Variants in POMGNT1 observed in about 807,000 individuals in gnomAD.
POMGNT1 encodes protein O-linked-mannose beta-1,2-N-acetylglucosaminyltransferase 1.
Under a neutral mutation model 95.6 loss-of-function variants are expected in POMGNT1, and 67 were observed. That is an observed-to-expected ratio of 0.70 (90% CI 0.58 to 0.86). The LOEUF (loss-of-function observed/expected upper bound fraction) is 0.86. Ranked by LOEUF, POMGNT1 falls within the 40% of genes least tolerant of loss-of-function variation. The pLI, the probability that POMGNT1 is intolerant of heterozygous loss-of-function variation, is 0.00. For missense variants in POMGNT1, 719 were observed against 855.2 expected (o/e 0.84, Z 1.99); for synonymous variants, 298 against 317.9 (o/e 0.94, Z 0.66).
At position 46,189,245 on chromosome 1, in the gene POMGNT1, G is replaced by C. The variant is rs748808819; in HGVS notation, c.*25C>G. 6.2e-7 allele frequency: 1 copy of C among 1,608,150 alleles called. No homozygotes were observed. Among genetic ancestry groups the C allele is most frequent in the South Asian group, 1.1e-5 (1 of 90,316 alleles). On this transcript the variant is annotated 3_prime_UTR_variant, in exon 22 of 22. Coordinates refer to ENST00000371984, the MANE Select transcript of POMGNT1 (RefSeq NM_017739.4). Reference sequence around the variant, plus strand: ...CCAGCCTGGGGGTACACAGTACCCAGCCCCGCAGGGTCCTGGAGGAGGTCT... The same window carrying C: ...CCAGCCTGGGGGTACACAGTACCCACCCCCGCAGGGTCCTGGAGGAGGTCT...
chr1:46,194,908 C>T lies in POMGNT1; in HGVS notation c.588G>A (p.Leu196=), dbSNP rs750844260. The change falls in exon 7 of 22, where the codon CTG becomes CTA. Residue 196 remains leucine (L), a synonymous_variant. Transcript: ENST00000371984. ...CCAGGGCAGGGCCAGCCTGGCTGCC[C>T]AGGCTCCTCAGCAGAGCCTTGGCTG... ...KDTAKALLRS[L]GSQAGPALGW... 4 of 1,614,058 alleles carry T rather than the reference C, an allele frequency of 2.5e-6. No individual in the cohort carries two copies. In the East Asian group the frequency reaches 8.9e-5, roughly 36 times the overall value.
intron 1 of POMGNT1, among the ~76,000 whole-genome samples, chr1:46,214,395 A>C (rs1658997758): frequency 6.6e-6 from 1 of 152,022 alleles, no homozygotes; most frequent in African/African-American, 2.4e-5. Flanking sequence ...TGAAATGGAG[A>C]TAATACAGAG....
chr1:46,190,105 T>TG (rs1331494455), intron 19 of POMGNT1, 116 bp from the exon 20 acceptor site: 2 of 1,291,966 alleles, frequency 1.5e-6, no homozygotes, highest in East Asian at 5.0e-5. Context: ...TTCTTTTTTT[T>TG]TTTTTTTTTT....
chr1:46,199,787 C>G (rs1182691030), upstream of POMGNT1, among the ~76,000 whole-genome samples: 2 of 152,144 alleles, frequency 1.3e-5, no homozygotes, highest in Non-Finnish European at 2.9e-5. Context: ...GAAATGTTAA[C>G]AGTACTTGTC....
chr1:46,205,568 C>T (rs1658686082), intron 1 of POMGNT1, among the ~76,000 whole-genome samples: 1 of 152,218 alleles, frequency 6.6e-6, no homozygotes. Flanking sequence ...GAGCCACGCC[C>T]AGTCTCTGGC....
At position 46,190,595 on chromosome 1, in the gene POMGNT1, G is replaced by T. The variant is rs909479532; in HGVS notation, c.1605-78C>A. The T allele has an allele frequency of 7.2e-6, 11 of 1,532,932 alleles. No homozygotes were observed. The Admixed American group carries it at 1.8e-4, about 26-fold the overall frequency. The allele number at this position is 1,532,932 out of a possible 1,614,324, so 95.0% of individuals were successfully genotyped here. On this transcript the variant is annotated intron_variant, in intron 18 of 21. Transcript: ENST00000371984. ...TGGGTAGCACTGAGCAGGGCAAGGG[G>T]TCACATGGGAATCTGTAGCCGCAGG...
chr1:46,202,421 A>G (rs1054505639), upstream of POMGNT1, among the ~76,000 whole-genome samples: 6 of 152,030 alleles, frequency 3.9e-5, no homozygotes, highest in African/African-American at 1.4e-4. Flanking sequence ...GGCTGGGCGC[A>G]GTGGCTCACA....
chr1:46,203,564 A>C (rs552194278), intron 1 of POMGNT1: 1 of 1,573,516 alleles, frequency 6.4e-7, no homozygotes, highest in Non-Finnish European at 8.6e-7. Flanking sequence ...TGCTGCTCCC[A>C]GGGGCGTCTA....
Position 46,194,377 on chromosome 1 carries a change from G to C in POMGNT1, c.776C>G (p.Thr259Arg), listed in dbSNP as rs762644652. ...GCGCCGGCGGCGACGGTTCAGCTCTGTGTCTGCCCAGTGGCACTCTGCCTC... is the reference window on the plus strand; with the variant it reads ...GCGCCGGCGGCGACGGTTCAGCTCTCTGTCTGCCCAGTGGCACTCTGCCTC... ...AEEAECHWADTELNRRRRRFC... is the reference protein window; with the variant it reads ...AEEAECHWADRELNRRRRRFC... The change falls in exon 9 of 22, where the codon ACA becomes AGA. Residue 259 changes from threonine (T) to arginine (R), a missense_variant. By Grantham distance (71) the Thr-to-Arg change is moderately conservative. Around this residue, in one of 5 missense-constraint regions of POMGNT1, gnomAD observed 466 missense variants for 517.4 expected, o/e 0.90. Transcript: ENST00000371984. The C allele has an allele frequency of 6.2e-7, 1 of 1,614,232 alleles. No individual in the cohort carries two copies. The highest frequency in any genetic ancestry group is 8.5e-7 in the Non-Finnish European group (1 of 1,180,044).
Position 46,188,779 on chromosome 1 carries a change from A to G in POMGNT1, c.*491T>C, listed in dbSNP as rs1481320309. 1.9e-6 allele frequency: 3 copies of G among 1,612,906 alleles called. No individual in the cohort carries two copies. The highest frequency in any genetic ancestry group is 2.5e-6 in the Non-Finnish European group (3 of 1,179,892). On this transcript the variant is annotated 3_prime_UTR_variant, in exon 22 of 22. Coordinates refer to ENST00000371984, the MANE Select transcript of POMGNT1 (RefSeq NM_017739.4). ...TGAGAGGAGGCCTGGTCCAGTGTCT[A>G]AGGGTCTCTGAGTGAGTCTGTGTCA...
At chr1:46,193,815 C>T in intron 10 of POMGNT1, 40 bp downstream of exon 10, 1 of 1,612,392 alleles carries the variant, frequency 6.2e-7, no homozygotes, top group Non-Finnish European at 8.5e-7. Context: ...CCTAAGCACC[C>T]TCCTGTTCAG....
At chr1:46,210,065 A>C (rs1417133332) in intron 1 of POMGNT1, among the ~76,000 whole-genome samples, 1 of 152,138 alleles carries the variant, frequency 6.6e-6, no homozygotes, top group Admixed American at 6.5e-5. Context: ...ATTTATGTTC[A>C]TCTCCCCTTA....
intron 1 of POMGNT1, chr1:46,198,125 A>C (rs1341221982): frequency 1.4e-5 from 6 of 425,008 alleles, no homozygotes; most frequent in Non-Finnish European, 2.6e-5. Flanking sequence ...AATCGGCTCA[A>C]AGTTCGTTAG....
At chr1:46,198,762 A>G (rs951131304), upstream of POMGNT1, among the ~76,000 whole-genome samples, 1 of 152,150 alleles carries the variant, frequency 6.6e-6, no homozygotes, top group African/African-American at 2.4e-5. Context: ...CCTTGGACAC[A>G]GGGCACACAC....
intron 1 of POMGNT1, among the ~76,000 whole-genome samples, chr1:46,207,957 T>C (rs1300987542): frequency 6.6e-6 from 1 of 151,996 alleles, no homozygotes; most frequent in Non-Finnish European, 1.5e-5. Context: ...AACCTCTGCC[T>C]CCCGGGTTCA....
intron 1 of POMGNT1, among the ~76,000 whole-genome samples, chr1:46,216,890 A>G (rs1659087534): frequency 6.6e-6 from 1 of 152,188 alleles, no homozygotes; most frequent in Non-Finnish European, 1.5e-5. Flanking sequence ...AACATGCAGT[A>G]TTTGGTTTTC....
At chr1:46,200,314 A>T (rs1658500040), upstream of POMGNT1, among the ~76,000 whole-genome samples, 1 of 152,188 alleles carries the variant, frequency 6.6e-6, no homozygotes, top group Non-Finnish European at 1.5e-5. Flanking sequence ...TGACATTGGC[A>T]GTTCTAACCT....
At position 46,197,021 on chromosome 1, in the gene POMGNT1, G is replaced by T. The variant is rs1352412667; in HGVS notation, c.184C>A (p.Arg62=). 1 of 1,614,030 alleles carries T rather than the reference G, an allele frequency of 6.2e-7. No individual in the cohort carries two copies. The highest frequency in any genetic ancestry group is 8.5e-7 in the Non-Finnish European group (1 of 1,180,036). Residue 62 remains arginine, a synonymous_variant, in exon 3 of 22, where the codon CGG becomes AGG. Coordinates refer to ENST00000371984, the MANE Select transcript of POMGNT1 (RefSeq NM_017739.4). ...IVNIKLILDT[R]RAISEANEDP... Reference sequence around the variant, plus strand: ...TCATTGGCTTCACTGATGGCTCGCCGAGTGTCCAGGATCAACTTGATATTG... The same window carrying T: ...TCATTGGCTTCACTGATGGCTCGCCTAGTGTCCAGGATCAACTTGATATTG...
At chr1:46,203,692 C>G (rs893287922) in intron 1 of POMGNT1, 1 of 1,466,432 alleles carries the variant, frequency 6.8e-7, no homozygotes, top group East Asian at 2.5e-5. Context: ...CGAACTCATG[C>G]TCCCAGAGTT....
Sources: allele counts gnomAD v4.1 joint callset (sites outside exome capture counted in the v4.1 genomes callset), GRCh38; gene constraint gnomAD v4.1.1; regional missense constraint gnomAD v4.1.1; transcripts MANE v1.5; gene names NCBI Gene and HGNC (gene_info 2026-07-23, HGNC 2026-07-21).